Variants in BMP7 observed in about 807,000 individuals in gnomAD.
BMP7 encodes osteogenic protein 1.
In BMP7, 12 loss-of-function variants were observed where a neutral mutation model predicts 41.2. That is an observed-to-expected ratio of 0.29 (90% CI 0.19 to 0.47). BMP7 has a LOEUF of 0.47. Ranked by LOEUF, BMP7 falls within the 20% of genes least tolerant of loss-of-function variation. The probability of loss-of-function intolerance (pLI) is 0.99; values close to 1 mark genes in which losing one functional copy is unlikely to be tolerated. For synonymous variants in BMP7, 248 were observed against 250.0 expected (o/e 0.99, Z 0.07); for missense variants, 467 against 606.0 (o/e 0.77, Z 2.41).
chr20:57,198,364 T>C (rs1303104135), intron 3 of BMP7, among the ~76,000 whole-genome samples: 6 of 151,924 alleles, frequency 3.9e-5, no homozygotes, highest in Non-Finnish European at 1.5e-5. Context: ...AAGCACAGCC[T>C]GGGGGCTGGA....
chr20:57,187,400 G>A (rs1984237949), intron 3 of BMP7, among the ~76,000 whole-genome samples: 1 of 152,198 alleles, frequency 6.6e-6, no homozygotes, highest in Non-Finnish European at 1.5e-5. Context: ...TAGAGGTGGG[G>A]CCTGTGGTTT....
Position 57,202,522 on chromosome 20 carries a change from T to C in BMP7, c.713A>G (p.Asn238Ser), listed in dbSNP as rs570170347. ...ITATSNHWVV[N>S]PRHNLGLQLS... Reference sequence around the variant, plus strand: ...CTGCAGGCCCAGGTTGTGCCGCGGATTGACCACCCAGTGGTTGCTGGTGGC... The same window carrying C: ...CTGCAGGCCCAGGTTGTGCCGCGGACTGACCACCCAGTGGTTGCTGGTGGC... Residue 238 changes from asparagine to serine, a missense_variant, in exon 3 of 7, where the codon AAT (asparagine) becomes AGT (serine). Around this residue, in one of 2 missense-constraint regions of BMP7, gnomAD observed 407 missense variants for 485.9 expected, o/e 0.84. Coordinates refer to ENST00000395863, the MANE Select transcript of BMP7 (RefSeq NM_001719.3). 2.1e-5 allele frequency: 33 copies of C among 1,607,226 alleles called. 1 individual carries two copies. Among genetic ancestry groups the C allele is most frequent in the South Asian group, 1.9e-4 (17 of 90,970 alleles).
At chr20:57,178,683 C>G (rs1274797723) in intron 4 of BMP7, among the ~76,000 whole-genome samples, 2 of 152,164 alleles carry the variant, frequency 1.3e-5, no homozygotes, top group African/African-American at 2.4e-5. Context: ...CCTCCACGAG[C>G]CTCCTCCCTC....
At chr20:57,206,761 G>A (rs1000791373) in intron 2 of BMP7, among the ~76,000 whole-genome samples, 12 of 152,166 alleles carry the variant, frequency 7.9e-5, no homozygotes, top group African/African-American at 2.4e-4. Flanking sequence ...AGACACTCCT[G>A]GAAGAGCATC....
chr20:57,223,451 G>C (rs1985238738), intron 2 of BMP7, among the ~76,000 whole-genome samples: 1 of 152,130 alleles, frequency 6.6e-6, no homozygotes, highest in African/African-American at 2.4e-5. Flanking sequence ...ACCAGCTCAG[G>C]ACTCATCAAT....
At position 57,228,157 on chromosome 20, in the gene BMP7, G is replaced by GCCCTCACCACCTTCTTCCTCTGC; in HGVS notation, c.611+49_611+71dup. On this transcript the variant is annotated intron_variant, in intron 2 of 6. Coordinates refer to ENST00000395863, the MANE Select transcript of BMP7 (RefSeq NM_001719.3). The surrounding 1 kb of genome is among the most constrained non-coding windows in gnomAD (Gnocchi z 4.5). ...TTGTGCCAATCTGACCCATCCTCTGGCCCTCACCACCTTCTTCCTCTGCCC... is the reference window on the plus strand; with the variant it reads ...TTGTGCCAATCTGACCCATCCTCTGGCCCTCACCACCTTCTTCCTCTGCCCCTCACCACCTTCTTCCTCTGCCC... 5.9e-6 allele frequency: 9 copies of GCCCTCACCACCTTCTTCCTCTGC among 1,538,124 alleles called. No individual in the cohort carries two copies. The highest frequency in any genetic ancestry group is 8.1e-6 in the Non-Finnish European group (9 of 1,113,688).
At chr20:57,252,420 A>G (rs2066117476) in intron 1 of BMP7, among the ~76,000 whole-genome samples, 1 of 152,140 alleles carries the variant, frequency 6.6e-6, no homozygotes, top group African/African-American at 2.4e-5. Flanking sequence ...TCCCTCTCCC[A>G]CCCCAGAGTA....
At chr20:57,208,756 A>AT (rs1473011624) in intron 2 of BMP7, among the ~76,000 whole-genome samples, 10 of 152,244 alleles carry the variant, frequency 6.6e-5, no homozygotes, top group Non-Finnish European at 1.5e-4. Context: ...GCATTAAAAA[A>AT]TGAAGTTCTG....
chr20:57,250,805 C>T (rs918223350), intron 1 of BMP7, among the ~76,000 whole-genome samples: 2 of 152,196 alleles, frequency 1.3e-5, no homozygotes, highest in African/African-American at 4.8e-5. Flanking sequence ...CACCAATAAA[C>T]ACAGATCTTA....
chr20:57,222,294 TA>T (rs58250943), intron 2 of BMP7, among the ~76,000 whole-genome samples: 1 of 151,788 alleles, frequency 6.6e-6, no homozygotes. Context: ...GGGACAGAGA[TA>T]AAAAAAAGCC....
At position 57,174,039 on chromosome 20, in the gene BMP7, C is replaced by G. The variant is rs542516667; in HGVS notation, c.1036-729G>C. On this transcript the variant is annotated intron_variant, in intron 5 of 6. Transcript: ENST00000395863. The surrounding 1 kb of genome is among the most constrained non-coding windows in gnomAD (Gnocchi z 4.3). ...GGCCCCTGGAGTTTGGGTTCTGTCC[C>G]AGCTGCAGGTGGATGTGGTCATCAG... Among the ~76,000 whole-genome samples the G allele has an allele frequency of 1.3e-5, 2 of 152,148 alleles. No homozygotes were observed. Among genetic ancestry groups the G allele is most frequent in the African/African-American group, 4.8e-5 (2 of 41,410 alleles).
chr20:57,242,895 C>T (rs1375840397), intron 1 of BMP7, among the ~76,000 whole-genome samples: 6 of 152,124 alleles, frequency 3.9e-5, no homozygotes, highest in South Asian at 2.1e-4. Flanking sequence ...CCCAGATACT[C>T]GGGAGGCTGA....
intron 1 of BMP7, among the ~76,000 whole-genome samples, chr20:57,250,037 G>A (rs138907783): frequency 5.3e-5 from 8 of 152,122 alleles, no homozygotes; most frequent in African/African-American, 1.9e-4. Flanking sequence ...AAAGCTCGGC[G>A]AGTAATTTGT....
chr20:57,202,737 G>C (rs1405410468), intron 2 of BMP7, 114 bp from the exon 3 acceptor site: 1 of 1,253,872 alleles, frequency 8.0e-7, no homozygotes, highest in African/African-American at 1.5e-5. Flanking sequence ...AGAGTCCACT[G>C]GTCCCCGACA....
intron 3 of BMP7, among the ~76,000 whole-genome samples, chr20:57,188,929 C>T (rs1037899909): frequency 6.6e-6 from 1 of 152,214 alleles, no homozygotes; most frequent in Non-Finnish European, 1.5e-5. Flanking sequence ...CCAAAGCCTG[C>T]ATTCTCTGCC....
At chr20:57,249,770 CG>C (rs1340833908) in intron 1 of BMP7, among the ~76,000 whole-genome samples, 2 of 152,292 alleles carry the variant, frequency 1.3e-5, no homozygotes, top group Admixed American at 6.5e-5. Context: ...GTCATGTTCA[CG>C]GATGAGCCTA....
chr20:57,246,654 C>T (rs2066091768), intron 1 of BMP7, among the ~76,000 whole-genome samples: 1 of 152,148 alleles, frequency 6.6e-6, no homozygotes, highest in Non-Finnish European at 1.5e-5. Context: ...AACTGCCCCA[C>T]CTGAAATGGC....
At chr20:57,201,395 C>G (rs1478411011) in intron 3 of BMP7, among the ~76,000 whole-genome samples, 1 of 152,162 alleles carries the variant, frequency 6.6e-6, no homozygotes, top group African/African-American at 2.4e-5. Context: ...GGACCAGTCT[C>G]CGAGATAAGT....
intron 1 of BMP7, among the ~76,000 whole-genome samples, chr20:57,232,180 T>C (rs6025452): frequency 6.6e-6 from 1 of 152,012 alleles, no homozygotes; most frequent in Non-Finnish European, 1.5e-5. Context: ...CCTTCCCCAA[T>C]CTACTTAATC....
Sources: allele counts gnomAD v4.1 joint callset (sites outside exome capture counted in the v4.1 genomes callset), GRCh38; gene constraint gnomAD v4.1.1; regional missense constraint gnomAD v4.1.1; non-coding constraint Gnocchi (gnomAD v3.1); transcripts MANE v1.5; gene names NCBI Gene and HGNC (gene_info 2026-07-23, HGNC 2026-07-21).